Variants in PIP5K1B observed in about 807,000 individuals in gnomAD.
PIP5K1B encodes phosphatidylinositol-4-phosphate 5-kinase type 1 beta.
PIP5K1B carries 42 observed loss-of-function variants against 67.0 expected under a neutral mutation model. The observed-to-expected ratio is 0.63, with a 90% CI of 0.49 to 0.81. The LOEUF (loss-of-function observed/expected upper bound fraction) is 0.81. Ranked by LOEUF, PIP5K1B falls within the 30% of genes least tolerant of loss-of-function variation. PIP5K1B has a pLI of 0.00. For missense variants in PIP5K1B, 459 were observed against 646.3 expected (o/e 0.71, Z 3.14); for synonymous variants, 214 against 231.4 (o/e 0.92, Z 0.68).
intron 2 of PIP5K1B, among the ~76,000 whole-genome samples, chr9:68,801,711 G>A (rs1832613387): frequency 6.6e-6 from 1 of 152,202 alleles, no homozygotes; most frequent in Non-Finnish European, 1.5e-5. Flanking sequence ...AGTATGGTCT[G>A]AAGCCAAAGA....
At chr9:68,724,237 GTT>G (rs61401691) in intron 1 of PIP5K1B, among the ~76,000 whole-genome samples, 101,545 of 145,494 alleles carry the variant, frequency 0.7, 35,386 homozygotes, top group African/African-American at 0.8. Flanking sequence ...TTTTTTTTGG[GTT>G]TTTTTTTTTT....
At chr9:68,737,935 A>G (rs1469605741) in intron 1 of PIP5K1B, among the ~76,000 whole-genome samples, 1 of 152,224 alleles carries the variant, frequency 6.6e-6, no homozygotes, top group Non-Finnish European at 1.5e-5. Context: ...TTTGACAAAT[A>G]TCTCTCACCG....
At chr9:68,814,290 T>C (rs1269232975) in intron 2 of PIP5K1B, among the ~76,000 whole-genome samples, 2 of 152,064 alleles carry the variant, frequency 1.3e-5, no homozygotes, top group Non-Finnish European at 1.5e-5. Context: ...GAAAAACAGG[T>C]TTTTAAATGA....
At chr9:68,997,057 G>T (rs575258994) in intron 15 of PIP5K1B, among the ~76,000 whole-genome samples, 8 of 152,164 alleles carry the variant, frequency 5.3e-5, no homozygotes, top group Non-Finnish European at 1.0e-4. Context: ...GGAGATTAGC[G>T]CTCTGATGGG....
intron 14 of PIP5K1B, among the ~76,000 whole-genome samples, chr9:68,980,465 A>C (rs1259260482): frequency 2.0e-5 from 3 of 152,260 alleles, no homozygotes; most frequent in African/African-American, 7.2e-5. Context: ...CCAAGGTCTT[A>C]CGATAAATCT....
At chr9:68,748,613 C>CTTTTTTTTTT (rs58954806) in intron 2 of PIP5K1B, among the ~76,000 whole-genome samples, 10 of 98,302 alleles carry the variant, frequency 1.0e-4, no homozygotes, top group East Asian at 2.9e-4. Context: ...GATTTCTTTT[C>CTTTTTTTTTT]TTTTTTTTTT....
At chr9:68,883,433 C>CG (rs1434932790) in intron 6 of PIP5K1B, among the ~76,000 whole-genome samples, 1 of 152,184 alleles carries the variant, frequency 6.6e-6, no homozygotes, top group African/African-American at 2.4e-5. Flanking sequence ...GGGAAGTGGA[C>CG]GATCAAAGTT....
At chr9:68,822,813 A>G in intron 4 of PIP5K1B, 130 bp downstream of exon 4, 1 of 668,612 alleles carries the variant, frequency 1.5e-6, no homozygotes, top group South Asian at 1.8e-5. Context: ...TGCTATAACT[A>G]ATTACTGCAA....
intron 1 of PIP5K1B, among the ~76,000 whole-genome samples, chr9:68,734,063 C>T (rs983323411): frequency 6.6e-6 from 1 of 152,154 alleles, no homozygotes; most frequent in South Asian, 2.1e-4. Flanking sequence ...TGCAACCCCA[C>T]GAAAGTCACT....
At chr9:68,819,269 T>C (rs1043700546) in intron 3 of PIP5K1B, among the ~76,000 whole-genome samples, 2 of 152,052 alleles carry the variant, frequency 1.3e-5, no homozygotes, top group African/African-American at 4.8e-5. Context: ...AATGACACAG[T>C]ATTTGCTTTT....
Position 68,833,739 on chromosome 9 carries a change from G to A in PIP5K1B, c.69+11056G>A, listed in dbSNP as rs151096601. 5.0e-4 allele frequency among the ~76,000 whole-genome samples: 76 copies of A among 152,336 alleles called. 2 individuals carry two copies. The East Asian group carries it at 0.014, about 27-fold the overall frequency. On this transcript the variant is annotated intron_variant, in intron 4 of 15. Coordinates refer to ENST00000265382, the MANE Select transcript of PIP5K1B (RefSeq NM_003558.4). ...TTGATATTGACTGGACGGGGCCATG[G>A]TTGGATGTGGGGGTGAGGGCATGGT...
intron 2 of PIP5K1B, chr9:68,788,424 A>G: frequency 1.8e-6 from 1 of 565,530 alleles, no homozygotes; most frequent in South Asian, 1.7e-5. Flanking sequence ...CAGCTGCTGC[A>G]TCTTAACTAC....
chr9:68,989,872 C>T lies in PIP5K1B; in HGVS notation c.1503-1268C>T, dbSNP rs529595399. 1.8e-4 allele frequency among the ~76,000 whole-genome samples: 28 copies of T among 152,056 alleles called. No individual in the cohort carries two copies. In the South Asian group the frequency reaches 3.7e-3, roughly 20 times the overall value. ...GTGCACACCTGTGATCCCAGCTACT[C>T]GGGAGGCTGAGGCAAGAGAATCACT... On this transcript the variant is annotated intron_variant, in intron 14 of 15. Coordinates refer to ENST00000265382, the MANE Select transcript of PIP5K1B (RefSeq NM_003558.4).
chr9:68,780,082 G>GTATCA, intron 2 of PIP5K1B: 3 of 1,334,320 alleles, frequency 2.2e-6, no homozygotes, highest in Non-Finnish European at 1.9e-6. Flanking sequence ...CGGTGGCGGC[G>GTATCA]GCAGCGGCGG....
chr9:68,778,499 CTAAATT>C (rs1468877924), intron 2 of PIP5K1B, among the ~76,000 whole-genome samples: 3 of 152,186 alleles, frequency 2.0e-5, no homozygotes, highest in Non-Finnish European at 4.4e-5. Flanking sequence ...CTTTCACAAT[CTAAATT>C]TAATCCATCT....
rs1833842544 is a variant in PIP5K1B at position 68,823,676 on chromosome 9, A to C, written c.69+993A>C. The stretch of plus-strand genomic sequence containing the variant: ...ACTCCTGATTATAAATTGACTATAC[A>C]TTTTAGCTTTTCAAAGTTCTTGCTA... On this transcript the variant is annotated intron_variant, in intron 4 of 15. Coordinates refer to ENST00000265382, the MANE Select transcript of PIP5K1B (RefSeq NM_003558.4). Among the ~76,000 whole-genome samples the C allele has an allele frequency of 2.0e-5, 3 of 152,180 alleles. No individual in the cohort carries two copies. In the South Asian group the frequency reaches 6.2e-4, roughly 32 times the overall value.
At chr9:68,863,113 G>T (rs1823182599) in intron 4 of PIP5K1B, among the ~76,000 whole-genome samples, 1 of 152,090 alleles carries the variant, frequency 6.6e-6, no homozygotes, top group Non-Finnish European at 1.5e-5. Context: ...GATTCTTTGT[G>T]GTGGGAGCTG....
chr9:68,987,923 A>G (rs981363026), intron 14 of PIP5K1B, among the ~76,000 whole-genome samples: 4 of 152,182 alleles, frequency 2.6e-5, no homozygotes, highest in African/African-American at 9.7e-5. Flanking sequence ...TGAGATTACA[A>G]TTCAAGATGA....
chr9:68,901,748 G>A (rs1825366270), intron 8 of PIP5K1B, among the ~76,000 whole-genome samples: 1 of 152,216 alleles, frequency 6.6e-6, no homozygotes, highest in Non-Finnish European at 1.5e-5. Context: ...GATTGTTCGA[G>A]TTGGAAGGAA....
Sources: allele counts gnomAD v4.1 joint callset (sites outside exome capture counted in the v4.1 genomes callset), GRCh38; gene constraint gnomAD v4.1.1; transcripts MANE v1.5; gene names NCBI Gene and HGNC (gene_info 2026-07-23, HGNC 2026-07-21).